Variants in PRELID2 observed in about 807,000 individuals in gnomAD.
PRELID2 encodes the protein PRELI domain containing 2.
A neutral mutation model predicts 28.4 loss-of-function variants in PRELID2; 25 were observed. The observed-to-expected ratio is 0.88, with a 90% CI of 0.64 to 1.23. PRELID2 has a LOEUF of 1.23. Ranked by LOEUF, PRELID2 falls within the 50% of genes most tolerant of loss-of-function variation. PRELID2 has a pLI of 0.00. For synonymous variants in PRELID2, 76 were observed against 71.6 expected, an observed-to-expected ratio of 1.06 and a Z score of -0.31; for missense variants, 201 against 214.4, an observed-to-expected ratio of 0.94 and a Z score of 0.39.
chr5:145,325,333 C>T, the PRELID2 span, among the ~76,000 whole-genome samples: 3 of 152,148 alleles, frequency 2.0e-5, no homozygotes, highest in African/African-American at 4.8e-5. Flanking sequence ...TGTTTCTTTT[C>T]AACTAAGTGC....
At chr5:145,764,761 A>G (rs1757642304) in intron 6 of PRELID2, among the ~76,000 whole-genome samples, 170 bp downstream of exon 6, 1 of 152,244 alleles carries the variant, frequency 6.6e-6, no homozygotes, top group Non-Finnish European at 1.5e-5. Flanking sequence ...TCAAAGAACC[A>G]AGTAAATAAA....
At chr5:145,432,256 A>C in the PRELID2 span, among the ~76,000 whole-genome samples, 2 of 152,058 alleles carry the variant, frequency 1.3e-5, no homozygotes, top group East Asian at 3.9e-4. Flanking sequence ...CAAGATTGAC[A>C]ATTGACCTTC....
chr5:145,742,379 T>G (rs1024817592), intron 1 of PRELID2, among the ~76,000 whole-genome samples: 1 of 145,956 alleles, frequency 6.9e-6, no homozygotes, highest in Non-Finnish European at 1.5e-5. Flanking sequence ...TCAACAAATT[T>G]AAAGACTTGA....
At chr5:145,642,946 G>C (rs1754132724) in intron 1 of PRELID2, among the ~76,000 whole-genome samples, 1 of 152,182 alleles carries the variant, frequency 6.6e-6, no homozygotes, top group African/African-American at 2.4e-5. Flanking sequence ...AAGCAAGGTA[G>C]CATGATGCCT....
chr5:145,703,112 G>A (rs1755452547), intron 1 of PRELID2, among the ~76,000 whole-genome samples: 1 of 152,134 alleles, frequency 6.6e-6, no homozygotes, highest in Non-Finnish European at 1.5e-5. Flanking sequence ...GCCATCAAGT[G>A]TCAAGTATAC....
At chr5:145,607,425 A>G (rs555343345) in intron 1 of PRELID2, among the ~76,000 whole-genome samples, 1 of 152,264 alleles carries the variant, frequency 6.6e-6, no homozygotes, top group East Asian at 1.9e-4. Context: ...GCTGTGTCCC[A>G]GAGATTCTGG....
At chr5:145,481,623 CAAAAAAAAAAAAAAAAAA>C (rs70998021) in intron 1 of PRELID2, among the ~76,000 whole-genome samples, 2 of 41,862 alleles carry the variant, frequency 4.8e-5, no homozygotes, top group South Asian at 1.4e-3. Flanking sequence ...GCAAGGAAAT[CAAAAAAAAAAAAAAAAAA>C]AAAAAAAAAA....
chr5:145,813,945 TCAC>T (rs1754122198), intron 4 of PRELID2, among the ~76,000 whole-genome samples: 1 of 152,204 alleles, frequency 6.6e-6, no homozygotes, highest in Non-Finnish European at 1.5e-5. Flanking sequence ...ATAGAGACTT[TCAC>T]CACAACACTG....
At chr5:145,317,373 G>C in the PRELID2 span, among the ~76,000 whole-genome samples, 1 of 152,226 alleles carries the variant, frequency 6.6e-6, no homozygotes, top group Non-Finnish European at 1.5e-5. Context: ...CTGGCAGCTA[G>C]AAAGCTGTTG....
intron 1 of PRELID2, among the ~76,000 whole-genome samples, chr5:145,576,965 T>C (rs1753065754): frequency 6.6e-6 from 1 of 152,126 alleles, no homozygotes; most frequent in African/African-American, 2.4e-5. Flanking sequence ...TCAGAGGCCA[T>C]AAAATTCTGT....
chr5:145,610,648 A>G (rs1753600031), intron 1 of PRELID2, among the ~76,000 whole-genome samples: 2 of 152,086 alleles, frequency 1.3e-5, no homozygotes, highest in Admixed American at 1.3e-4. Context: ...TAGTACCTAG[A>G]TGTAAAGTGC....
intron 1 of PRELID2, among the ~76,000 whole-genome samples, chr5:145,596,081 CAG>C: frequency 9.5e-6 from 1 of 105,672 alleles, no homozygotes; most frequent in Admixed American, 1.3e-4. Context: ...GCCTGGGTGA[CAG>C]AGTGAGAGCC....
the PRELID2 span, among the ~76,000 whole-genome samples, chr5:145,380,482 G>A: frequency 1.3e-5 from 2 of 152,236 alleles, no homozygotes; most frequent in South Asian, 4.1e-4. Flanking sequence ...CCCCCATGTG[G>A]CATGATTAAC....
chr5:145,694,092 G>A (rs1018818815), intron 1 of PRELID2, among the ~76,000 whole-genome samples: 4 of 152,062 alleles, frequency 2.6e-5, no homozygotes, highest in Non-Finnish European at 4.4e-5. Context: ...GCAAATACTA[G>A]GACCTAGAGC....
At chr5:145,300,131 T>TA in the PRELID2 span, among the ~76,000 whole-genome samples, 7 of 151,962 alleles carry the variant, frequency 4.6e-5, no homozygotes, top group African/African-American at 7.2e-5. Context: ...TTTCTTCAGT[T>TA]AAAAAAAATG....
intron 1 of PRELID2, among the ~76,000 whole-genome samples, chr5:145,582,268 T>G (rs1416451202): frequency 6.6e-6 from 1 of 152,042 alleles, no homozygotes. Context: ...GACTCACAGT[T>G]CTGCAGGGCT....
chr5:145,646,409 T>C (rs1455175725), intron 1 of PRELID2, among the ~76,000 whole-genome samples: 1 of 152,222 alleles, frequency 6.6e-6, no homozygotes, highest in Non-Finnish European at 1.5e-5. Flanking sequence ...TTCCCTAAAC[T>C]GGTTATTCTG....
the PRELID2 span, among the ~76,000 whole-genome samples, chr5:145,299,805 A>G: frequency 2.6e-5 from 4 of 151,984 alleles, no homozygotes; most frequent in African/African-American, 9.7e-5. Context: ...TCTTTCTGCC[A>G]TTTCTTCCTC....
chr5:145,695,422 A>C (rs998028929), intron 1 of PRELID2, among the ~76,000 whole-genome samples: 4 of 152,220 alleles, frequency 2.6e-5, no homozygotes, highest in Non-Finnish European at 2.9e-5. Flanking sequence ...AGGGAGAATA[A>C]GGTAGAGAGA....
Sources: allele counts gnomAD v4.1 joint callset (sites outside exome capture counted in the v4.1 genomes callset), GRCh38; gene constraint gnomAD v4.1.1; transcripts MANE v1.5; gene names NCBI Gene and HGNC (gene_info 2026-07-23, HGNC 2026-07-21).